The following C3orf20 variants were observed in gnomAD, a reference collection of about 807,000 sequenced individuals.
C3orf20 encodes the protein family with sequence similarity 149 member C, also known as uncharacterized protein C3orf20.
In C3orf20, 76 loss-of-function variants were observed where a neutral mutation model predicts 88.3. That is an observed-to-expected ratio of 0.86 (90% confidence interval 0.72 to 1.04). The LOEUF (loss-of-function observed/expected upper bound fraction) is 1.04. Ranked by LOEUF, C3orf20 falls within the 50% of genes least tolerant of loss-of-function variation. The pLI, the probability that C3orf20 is intolerant of heterozygous loss-of-function variation, is 0.00. For missense variants in C3orf20, 1,056 were observed against 1,123.3 expected (o/e 0.94, Z 0.86); for synonymous variants, 436 against 437.4 (o/e 1.00, Z 0.04).
In C3orf20 at chr3:14,721,897, GC is replaced by G; in HGVS notation, c.1566+116del. ...ACTCCCCACCACCCTTCCATGCAAGGCCCTGCCTTTTCCTCTGCCATTATTC... is the reference window on the plus strand; with the variant it reads ...ACTCCCCACCACCCTTCCATGCAAGGCCTGCCTTTTCCTCTGCCATTATTC... On this transcript the variant is annotated intron_variant, in intron 10 of 16. Transcript: ENST00000253697. 5 of 1,379,404 alleles carry G rather than the reference GC, an allele frequency of 3.6e-6. No individual in the cohort carries two copies. The South Asian group carries it at 6.8e-5, about 19-fold the overall frequency. 85.4% of individuals were successfully genotyped at this position (1,379,404 alleles called of 1,614,324 possible).
chr3:14,738,316 T>C (rs2342695), intron 12 of C3orf20, among the ~76,000 whole-genome samples: 76,948 of 150,432 alleles, frequency 0.51, 21,913 homozygotes, highest in African/African-American at 0.78. Flanking sequence ...TACAGGCATC[T>C]TCCACCATGC....
chr3:14,756,028 C>CAAAAAAAAAAAAAAA (rs56242160), intron 12 of C3orf20, among the ~76,000 whole-genome samples: 2 of 72,734 alleles, frequency 2.7e-5, no homozygotes, highest in East Asian at 4.0e-4. Context: ...GACTCCATCT[C>CAAAAAAAAAAAAAAA]AAAAAAAAAA....
intron 14 of C3orf20, 41 bp from the exon 15 acceptor site, chr3:14,761,432 G>A (rs771583581): frequency 6.2e-7 from 1 of 1,613,190 alleles, no homozygotes; most frequent in Non-Finnish European, 8.5e-7. Context: ...CTGCTGTGCT[G>A]ATGTGCTGAG....
intron 13 of C3orf20, among the ~76,000 whole-genome samples, chr3:14,758,468 G>C (rs1421125952): frequency 6.6e-6 from 1 of 152,168 alleles, no homozygotes; most frequent in Non-Finnish European, 1.5e-5. Flanking sequence ...CAAGCATGCA[G>C]TCATTCCCAG....
intron 15 of C3orf20, among the ~76,000 whole-genome samples, 167 bp downstream of exon 15, chr3:14,761,782 C>G (rs2035571950): frequency 6.6e-6 from 1 of 151,890 alleles, no homozygotes; most frequent in South Asian, 2.1e-4. Flanking sequence ...ACACACATGG[C>G]AAAAACTGCG....
intron 5 of C3orf20, 57 bp from the exon 6 acceptor site, chr3:14,703,073 A>G: frequency 6.3e-7 from 1 of 1,596,458 alleles, no homozygotes; most frequent in Non-Finnish European, 8.6e-7. Context: ...CACTGATGCA[A>G]AAGGTGGGTT....
At chr3:14,753,287 A>G (rs2035270883) in intron 12 of C3orf20, among the ~76,000 whole-genome samples, 1 of 152,222 alleles carries the variant, frequency 6.6e-6, no homozygotes, top group Non-Finnish European at 1.5e-5. Context: ...GAGTTGAACA[A>G]TGAGAACACA....
chr3:14,685,834 T>A (rs555694312), intron 4 of C3orf20, among the ~76,000 whole-genome samples: 3 of 151,816 alleles, frequency 2.0e-5, no homozygotes, highest in East Asian at 3.9e-4. Flanking sequence ...TTCACTTATG[T>A]TGTAGCAAAT....
chr3:14,679,816 A>G (rs2031988188), intron 1 of C3orf20, among the ~76,000 whole-genome samples: 1 of 152,242 alleles, frequency 6.6e-6, no homozygotes, highest in Non-Finnish European at 1.5e-5. Context: ...GGTTATCTCC[A>G]CATTTAATTT....
At chr3:14,709,382 G>A (rs550097601) in intron 7 of C3orf20, among the ~76,000 whole-genome samples, 2 of 152,132 alleles carry the variant, frequency 1.3e-5, no homozygotes, top group South Asian at 4.1e-4. Context: ...ATTTGCTGTG[G>A]CCAGAACTTT....
intron 15 of C3orf20, among the ~76,000 whole-genome samples, chr3:14,770,388 A>G (rs1368954936): frequency 6.6e-6 from 1 of 152,128 alleles, no homozygotes; most frequent in South Asian, 2.1e-4. Context: ...CCTTGAAATG[A>G]CGGAGTAGGC....
At chr3:14,709,184 G>A (rs1395395201) in intron 7 of C3orf20, among the ~76,000 whole-genome samples, 1 of 152,142 alleles carries the variant, frequency 6.6e-6, no homozygotes, top group Non-Finnish European at 1.5e-5. Context: ...TTGTGTTCAT[G>A]GGGACAACTC....
rs761642690 is a variant in C3orf20 at position 14,772,101 on chromosome 3, G to C, written c.2530G>C (p.Glu844Gln). 6.2e-7 allele frequency: 1 copy of C among 1,614,220 alleles called. No homozygotes were observed. The highest frequency in any genetic ancestry group is 1.1e-5 in the South Asian group (1 of 91,078). ...PNSVLSLEDS[E>Q]SVKKAESEDI... is the part of the protein sequence containing the mutation. ...CTCTGTCCTGAGCCTGGAGGATTCT[G>C]AATCAGTCAAGAAAGCCGAGTCAGA... Residue 844 changes from glutamate to glutamine, a missense_variant, in exon 16 of 17, where the codon GAA becomes CAA. By Grantham distance (29) the Glu-to-Gln change is conservative. Transcript: ENST00000253697. This position sits in a 1 kb window ranked among gnomAD's most constrained non-coding sequence, Gnocchi z 4.2.
chr3:14,683,235 C>T (rs1190000001), intron 3 of C3orf20, 38 bp downstream of exon 3: 1 of 1,527,902 alleles, frequency 6.5e-7, no homozygotes, highest in African/African-American at 1.4e-5. Context: ...CCACCACACC[C>T]ACTACAGACG....
chr3:14,733,222 G>A (rs1669295215), intron 12 of C3orf20, among the ~76,000 whole-genome samples: 1 of 152,042 alleles, frequency 6.6e-6, no homozygotes, highest in Admixed American at 6.6e-5. Flanking sequence ...ATTGAGACAA[G>A]CATACAATTT....
At chr3:14,729,765 C>T (rs1030987517) in intron 12 of C3orf20, among the ~76,000 whole-genome samples, 8 of 152,160 alleles carry the variant, frequency 5.3e-5, no homozygotes, top group African/African-American at 1.9e-4. Flanking sequence ...AGGCTGGTCT[C>T]GAACTCCTGA....
intron 14 of C3orf20, among the ~76,000 whole-genome samples, chr3:14,760,605 T>G (rs968725792): frequency 1.8e-5 from 2 of 109,210 alleles, no homozygotes; most frequent in Non-Finnish European, 3.5e-5. Flanking sequence ...GAGTCTGTCT[T>G]CTTTTTTTTT....
rs1289956541 is a variant in C3orf20, at chr3:14,704,474, C to A, written c.1016C>A (p.Pro339His). The A allele has an allele frequency of 1.9e-6, 3 of 1,614,128 alleles. No homozygotes were observed. The highest frequency in any genetic ancestry group is 3.3e-4 in the Middle Eastern group (2 of 6,062). ...DSQTPGLHYP[P>H]TAGAQTLSPT... The stretch of plus-strand genomic sequence containing the variant: ...CAGACCCCGGGTTTACATTACCCTC[C>A]CACTGCAGGTGCTCAGACTCTCAGC... The change falls in exon 7 of 17, where the codon CCC becomes CAC. Residue 339 changes from proline to histidine, a missense_variant. Coordinates refer to ENST00000253697, the MANE Select transcript of C3orf20 (RefSeq NM_032137.5).
At chr3:14,723,652 G>T (rs1275687008) in intron 10 of C3orf20, among the ~76,000 whole-genome samples, 1 of 152,158 alleles carries the variant, frequency 6.6e-6, no homozygotes, top group Non-Finnish European at 1.5e-5. Context: ...GGCATGCATT[G>T]GTTACTTCAA....
Sources: gnomAD v4.1 joint callset for allele counts (sites outside exome capture counted in the v4.1 genomes callset) on GRCh38, gnomAD v4.1.1 for gene constraint, Gnocchi (gnomAD v3.1) non-coding constraint, MANE v1.5 for transcripts, NCBI Gene and HGNC (gene_info 2026-07-23, HGNC 2026-07-21) for gene names.